CSMD1: variants seen among roughly 807,000 people sequenced by gnomAD.
CSMD1 encodes CUB and Sushi multiple domains 1.
A neutral mutation model predicts 417.5 loss-of-function variants in CSMD1; 213 were observed. That is an observed-to-expected ratio of 0.51 (90% confidence interval 0.46 to 0.57). The LOEUF (loss-of-function observed/expected upper bound fraction) is 0.57. CSMD1 is among the 20% of genes least tolerant of loss of function. The pLI is 0.00. For missense variants in CSMD1, 6,923 were observed against 4,529.7 expected, an observed-to-expected ratio of 1.53 and a Z score of -15.17; for synonymous variants, 2,862 against 1,736.8, an observed-to-expected ratio of 1.65 and a Z score of -16.11.
At chr8:3,000,187 T>TGC (rs1807275928) in intron 52 of CSMD1, 56 bp from the exon 53 acceptor site, 1 of 1,318,332 alleles carries the variant, frequency 7.6e-7, no homozygotes, top group Non-Finnish European at 1.0e-6. Context: ...ATAAAAGTAG[T>TGC]ACATTCACAA....
chr8:3,947,316 A>C, intron 5 of CSMD1, among the ~76,000 whole-genome samples: 1 of 152,174 alleles, frequency 6.6e-6, no homozygotes, highest in East Asian at 1.9e-4. Context: ...CCAGTCTGTT[A>C]AGATTATGAA....
At chr8:4,054,809 G>A (rs773735014) in intron 3 of CSMD1, among the ~76,000 whole-genome samples, 1 of 152,126 alleles carries the variant, frequency 6.6e-6, no homozygotes, top group Non-Finnish European at 1.5e-5. Context: ...GGAAACAGAA[G>A]CTCCTTCCCC....
intron 25 of CSMD1, among the ~76,000 whole-genome samples, chr8:3,293,039 C>G (rs559242447): frequency 5.1e-4 from 77 of 152,226 alleles, no homozygotes; most frequent in African/African-American, 1.7e-3. Flanking sequence ...CAAAATCTCT[C>G]AGCATTTGCT....
chr8:3,747,157 C>T (rs1232977763), intron 6 of CSMD1, among the ~76,000 whole-genome samples: 1 of 152,204 alleles, frequency 6.6e-6, no homozygotes, highest in South Asian at 2.1e-4. Flanking sequence ...GCAGCCTGTA[C>T]TCACATCCTG....
chr8:3,379,576 G>A (rs1023311670), intron 18 of CSMD1, among the ~76,000 whole-genome samples: 2 of 152,212 alleles, frequency 1.3e-5, no homozygotes, highest in Admixed American at 6.5e-5. Flanking sequence ...CAGAACAGAG[G>A]TCTCTGAAAT....
intron 2 of CSMD1, among the ~76,000 whole-genome samples, chr8:4,585,717 T>G (rs1237765892): frequency 6.6e-6 from 1 of 152,116 alleles, no homozygotes; most frequent in Non-Finnish European, 1.5e-5. Context: ...GTCTTTAAAG[T>G]GCTATAATAA....
intron 5 of CSMD1, among the ~76,000 whole-genome samples, chr8:3,967,952 G>C (rs1248583834): frequency 5.4e-5 from 8 of 147,890 alleles, no homozygotes; most frequent in East Asian, 2.0e-4. Context: ...CGGATCACGA[G>C]GTCAGGAGAT....
chr8:4,552,568 G>C (rs1797920271), intron 2 of CSMD1, among the ~76,000 whole-genome samples: 1 of 151,960 alleles, frequency 6.6e-6, no homozygotes, highest in Non-Finnish European at 1.5e-5. Context: ...CTAGTATCTT[G>C]GGCATCCGGT....
intron 3 of CSMD1, among the ~76,000 whole-genome samples, chr8:4,096,149 G>A (rs1800996682): frequency 1.3e-5 from 2 of 152,126 alleles, no homozygotes; most frequent in Admixed American, 1.3e-4. Context: ...TTCTATAATA[G>A]GTGAGGGCTG....
At chr8:4,138,517 G>C (rs1803577547) in intron 3 of CSMD1, among the ~76,000 whole-genome samples, 3 of 151,962 alleles carry the variant, frequency 2.0e-5, no homozygotes, top group South Asian at 4.1e-4. Flanking sequence ...AATCTCAGGA[G>C]ACATATTTTG....
intron 7 of CSMD1, among the ~76,000 whole-genome samples, chr8:3,617,368 A>C (rs768822906): frequency 2.0e-5 from 3 of 152,344 alleles, no homozygotes; most frequent in Non-Finnish European, 2.9e-5. Flanking sequence ...GCACCATCAC[A>C]GAATAATTTC....
chr8:3,828,723 G>A (rs901525607), intron 5 of CSMD1, among the ~76,000 whole-genome samples: 1 of 152,040 alleles, frequency 6.6e-6, no homozygotes, highest in African/African-American at 2.4e-5. Context: ...GAGCCTTTCT[G>A]CAAGCCTCAC....
intron 3 of CSMD1, among the ~76,000 whole-genome samples, chr8:4,177,614 C>A (rs1438449036): frequency 4.7e-5 from 7 of 149,182 alleles, no homozygotes; most frequent in Non-Finnish European, 1.0e-4. Flanking sequence ...ATGCAAATAA[C>A]CCTTCAAAAA....
chr8:3,606,942 T>C (rs1801647792), intron 8 of CSMD1, among the ~76,000 whole-genome samples: 1 of 151,998 alleles, frequency 6.6e-6, no homozygotes, highest in South Asian at 2.1e-4. Flanking sequence ...GATCTCTTAA[T>C]CTCATGATCT....
chr8:4,750,060 G>A (rs1057173003), intron 1 of CSMD1, among the ~76,000 whole-genome samples: 4 of 150,628 alleles, frequency 2.7e-5, no homozygotes, highest in African/African-American at 4.9e-5. Flanking sequence ...AGGCTGGAGT[G>A]CAGTGGGCGA....
chr8:3,754,362 A>T (rs188787384), intron 5 of CSMD1, among the ~76,000 whole-genome samples: 1 of 152,310 alleles, frequency 6.6e-6, no homozygotes, highest in East Asian at 1.9e-4. Flanking sequence ...ATCACAATGA[A>T]TCAGAAAAAA....
chr8:4,010,220 G>A (rs535850813), intron 4 of CSMD1, among the ~76,000 whole-genome samples: 44 of 152,148 alleles, frequency 2.9e-4, no homozygotes, highest in African/African-American at 1.1e-3. Context: ...CCACCCACAT[G>A]CATCTCATGG....
chr8:4,485,808 T>C (rs947363597), intron 2 of CSMD1, among the ~76,000 whole-genome samples: 9 of 151,996 alleles, frequency 5.9e-5, no homozygotes, highest in Non-Finnish European at 8.8e-5. Flanking sequence ...ACAAAAGAAA[T>C]GGCAAATTCC....
chr8:4,619,542 C>T (rs963977929), intron 2 of CSMD1, among the ~76,000 whole-genome samples: 1 of 152,136 alleles, frequency 6.6e-6, no homozygotes, highest in Admixed American at 6.6e-5. Context: ...TTGCTAAGCT[C>T]TAATGCATCT....
Sources: gnomAD v4.1 joint callset for allele counts (sites outside exome capture counted in the v4.1 genomes callset) on GRCh38, gnomAD v4.1.1 for gene constraint, MANE v1.5 for transcripts, NCBI Gene and HGNC (gene_info 2026-07-23, HGNC 2026-07-21) for gene names.